PRDM16: variants seen among roughly 807,000 people sequenced by gnomAD.
PRDM16 encodes PR/SET domain 16, also known as histone-lysine N-methyltransferase PRDM16.
A neutral mutation model predicts 110.6 loss-of-function variants in PRDM16; 23 were observed. The observed-to-expected ratio is 0.21, with a 90% CI of 0.15 to 0.29. PRDM16 has a LOEUF of 0.29. PRDM16 is among the 10% of genes least tolerant of loss of function. PRDM16 has a pLI of 1.00. For synonymous variants in PRDM16, 799 were observed against 781.8 expected (o/e 1.02, Z -0.37); for missense variants, 1,615 against 1,794.3 (o/e 0.90, Z 1.81).
At position 3,243,424 on chromosome 1, in the gene PRDM16, C is replaced by T; in HGVS notation, c.388-663C>T. ...GAGAAATGGCATGAGCTCCCTCTCCCTCCAGCACCCACCAAGCCACCCTTC... is the reference window on the plus strand; with the variant it reads ...GAGAAATGGCATGAGCTCCCTCTCCTTCCAGCACCCACCAAGCCACCCTTC... On this transcript the variant is annotated intron_variant, in intron 2 of 16. Coordinates refer to ENST00000270722, the MANE Select transcript of PRDM16 (RefSeq NM_022114.4). The surrounding 1 kb of genome is among the most constrained non-coding windows in gnomAD (Gnocchi z 5.5). 6.6e-6 allele frequency among the ~76,000 whole-genome samples: 1 copy of T among 151,244 alleles called. No homozygotes were observed.
intron 1 of PRDM16, among the ~76,000 whole-genome samples, chr1:3,112,539 G>A (rs987244150): frequency 6.6e-6 from 1 of 152,200 alleles, no homozygotes; most frequent in Non-Finnish European, 1.5e-5. Context: ...CCGCTCAGTG[G>A]CCTTCGCCTG....
rs1644080904 is a variant in PRDM16, at chr1:3,175,994, G to GCCAT, written c.38-10128_38-10127insTCCA. On this transcript the variant is annotated intron_variant, in intron 1 of 16. Transcript: ENST00000270722. This position sits in a 1 kb window ranked among gnomAD's most constrained non-coding sequence, Gnocchi z 4.8. ...ACCCATCCATCCATGCAGCCAGCCA[G>GCCAT]CCAGCCAGCCAGCCAGCCATCCCCT... Among the ~76,000 whole-genome samples the GCCAT allele has an allele frequency of 1.0e-5, 1 of 97,910 alleles. No homozygotes were observed. Among genetic ancestry groups the GCCAT allele is most frequent in the Admixed American group, 1.2e-4 (1 of 8,614 alleles). The allele number at this position is 97,910 out of a possible 152,430, so 64.2% of individuals were successfully genotyped here.
intron 3 of PRDM16, among the ~76,000 whole-genome samples, chr1:3,318,153 T>G (rs775346382): frequency 1.4e-4 from 22 of 152,188 alleles, no homozygotes; most frequent in Non-Finnish European, 2.4e-4. Flanking sequence ...AAGTTTTTTT[T>G]TGTGTGGCTT....
chr1:3,200,949 G>A (rs1638608806), intron 2 of PRDM16, among the ~76,000 whole-genome samples: 1 of 151,014 alleles, frequency 6.6e-6, no homozygotes, highest in Non-Finnish European at 1.5e-5. Context: ...GAAGGAGGAA[G>A]GAGAGAGAAG....
intron 1 of PRDM16, among the ~76,000 whole-genome samples, chr1:3,181,348 G>GGTCTTACACACGGTCTTACACACGCA (rs1644174596): frequency 9.7e-5 from 2 of 20,514 alleles, no homozygotes; most frequent in Admixed American, 8.5e-4. Flanking sequence ...TCTTACACAC[G>GGTCTTACACACGGTCTTACACACGCA]GTCTTACACA....
intron 3 of PRDM16, among the ~76,000 whole-genome samples, chr1:3,335,964 C>T (rs1642137600): frequency 6.6e-6 from 1 of 152,206 alleles, no homozygotes; most frequent in South Asian, 2.1e-4. Flanking sequence ...CTGTGAACTC[C>T]GCTCCCTGAA....
chr1:3,198,217 A>T (rs139777251), intron 2 of PRDM16, among the ~76,000 whole-genome samples: 2,076 of 152,226 alleles, frequency 0.014, 51 homozygotes, highest in African/African-American at 0.048. Flanking sequence ...GCTGTGGTTG[A>T]AGGCACCTGC....
chr1:3,369,191 G>A lies in PRDM16; in HGVS notation c.439-15961G>A, dbSNP rs925288188. ...AGGCTGGAACTCGGGGGGAGCGAGC[G>A]CGCTATTGAACTTAATTGGTTCCAT... On this transcript the variant is annotated intron_variant, in intron 3 of 16. Coordinates refer to ENST00000270722, the MANE Select transcript of PRDM16 (RefSeq NM_022114.4). Among the ~76,000 whole-genome samples, 75 of 152,164 alleles carry A rather than the reference G, an allele frequency of 4.9e-4. 1 individual carries two copies. Among genetic ancestry groups the A allele is most frequent in the African/African-American group, 1.6e-3 (67 of 41,518 alleles).
Position 3,069,639 on chromosome 1 carries a change from G to A in PRDM16, c.37+343G>A, listed in dbSNP as rs1334279304. Among the ~76,000 whole-genome samples, 1 of 151,378 alleles carries A rather than the reference G, an allele frequency of 6.6e-6. No homozygotes were observed. Among genetic ancestry groups the A allele is most frequent in the Non-Finnish European group, 1.5e-5 (1 of 67,704 alleles). On this transcript the variant is annotated intron_variant, in intron 1 of 16. Transcript: ENST00000270722. This position sits in a 1 kb window ranked among gnomAD's most constrained non-coding sequence, Gnocchi z 6.1. ...CGGAGGGGGAGGGCCGGGGGTGGAG[G>A]GGAGCGAAAAGTGAAAGTTAGCGAA...
At chr1:3,352,900 C>T (rs1642521968) in intron 3 of PRDM16, among the ~76,000 whole-genome samples, 1 of 152,184 alleles carries the variant, frequency 6.6e-6, no homozygotes, top group Non-Finnish European at 1.5e-5. Context: ...TTGGTGTTCA[C>T]ACAAGTCCCA....
chr1:3,113,112 G>C (rs1642833113), intron 1 of PRDM16, among the ~76,000 whole-genome samples: 1 of 152,252 alleles, frequency 6.6e-6, no homozygotes, highest in Admixed American at 6.5e-5. Context: ...GGAGGGGGCT[G>C]TGGCCTGTGT....
chr1:3,212,792 GGCTCTGCCTGCTCCCTCCCTGACCCCA>G (rs1418376659), intron 2 of PRDM16, among the ~76,000 whole-genome samples: 2 of 152,192 alleles, frequency 1.3e-5, no homozygotes, highest in Non-Finnish European at 2.9e-5. Context: ...ACCTCGGCGT[GGCTCTGCCTGCTCCCTCCCTGACCCCA>G]GCTCTGCCCT....
intron 3 of PRDM16, among the ~76,000 whole-genome samples, chr1:3,249,557 A>G (rs1274446962): frequency 6.6e-6 from 1 of 152,176 alleles, no homozygotes. Flanking sequence ...AAGAAAAAAA[A>G]AAATACACAC....
At chr1:3,277,392 A>G (rs945462375) in intron 3 of PRDM16, among the ~76,000 whole-genome samples, 1 of 152,222 alleles carries the variant, frequency 6.6e-6, no homozygotes, top group Non-Finnish European at 1.5e-5. Flanking sequence ...GGAAGGCTGC[A>G]GGGAACCCCC....
chr1:3,223,535 C>G (rs1639222144), intron 2 of PRDM16, among the ~76,000 whole-genome samples: 1 of 152,136 alleles, frequency 6.6e-6, no homozygotes, highest in South Asian at 2.1e-4. Context: ...ACTGGCCATC[C>G]AAGTACGTGA....
At chr1:3,398,188 A>G (rs1225655741) in intron 5 of PRDM16, among the ~76,000 whole-genome samples, 2 of 152,210 alleles carry the variant, frequency 1.3e-5, no homozygotes, top group African/African-American at 2.4e-5. Context: ...ATGGAATTTC[A>G]TTTGTACGAT....
intron 3 of PRDM16, among the ~76,000 whole-genome samples, chr1:3,360,912 G>A (rs933432810): frequency 3.3e-5 from 5 of 152,200 alleles, no homozygotes; most frequent in African/African-American, 7.2e-5. Context: ...CAAACATGGG[G>A]CCAGATGTGC....
chr1:3,282,332 A>C (rs1640726431), intron 3 of PRDM16, among the ~76,000 whole-genome samples: 2 of 152,110 alleles, frequency 1.3e-5, no homozygotes, highest in Non-Finnish European at 2.9e-5. Flanking sequence ...CTGTGTGTGG[A>C]GTGGGGGCTC....
intron 3 of PRDM16, among the ~76,000 whole-genome samples, chr1:3,259,381 T>C (rs1220702838): frequency 1.3e-5 from 2 of 152,162 alleles, no homozygotes; most frequent in East Asian, 1.9e-4. Context: ...TCAGGCCATA[T>C]TGGGCTCAGG....
Sources: allele counts gnomAD v4.1 joint callset (sites outside exome capture counted in the v4.1 genomes callset), GRCh38; gene constraint gnomAD v4.1.1; non-coding constraint Gnocchi (gnomAD v3.1); transcripts MANE v1.5; gene names NCBI Gene and HGNC (gene_info 2026-07-23, HGNC 2026-07-21).